NBN: variants seen among roughly 807,000 people sequenced by gnomAD.
NBN encodes Nijmegen breakage syndrome 1 (nibrin).
In NBN, 88 loss-of-function variants were observed where a neutral mutation model predicts 90.8. That is an observed-to-expected ratio of 0.97 (90% CI 0.82 to 1.16). The LOEUF (loss-of-function observed/expected upper bound fraction) is 1.16. Ranked by LOEUF, NBN falls within the 50% of genes most tolerant of loss-of-function variation. The pLI, the probability that NBN is intolerant of heterozygous loss-of-function variation, is 0.00. For synonymous variants in NBN, 328 were observed against 295.1 expected (o/e 1.11, Z -1.14); for missense variants, 894 against 869.6 (o/e 1.03, Z -0.35).
chr8:89,962,284 C>G (rs1470364334), intron 8 of NBN, among the ~76,000 whole-genome samples: 2 of 152,110 alleles, frequency 1.3e-5, no homozygotes, highest in East Asian at 1.9e-4. Context: ...ATTTTCTAAA[C>G]AGAGAAACAC....
At position 89,953,509 on chromosome 8, in the gene NBN, T is replaced by A. The variant is rs1554558407; in HGVS notation, c.1580A>T (p.Asp527Val). ...AGAATTTTTCACAATAGATTTTAAA[T>A]CTGTATCTGTAAATAAGTTATTGTC... Reference protein sequence around the residue: ...NSDNNLFTDTDLKSIVKNSAS... With the variant: ...NSDNNLFTDTVLKSIVKNSAS... Residue 527 changes from aspartate to valine, a missense_variant, in exon 11 of 16, where the codon GAT becomes GTT. By Grantham distance (152) the Asp-to-Val change is radical. Transcript: ENST00000265433. The A allele has an allele frequency of 1.2e-6, 2 of 1,613,630 alleles. No individual in the cohort carries two copies. The highest frequency in any genetic ancestry group is 1.7e-5 in the Admixed American group (1 of 59,990).
intron 5 of NBN, among the ~76,000 whole-genome samples, chr8:89,973,785 T>A (rs1251573707): frequency 1.3e-5 from 2 of 152,172 alleles, no homozygotes; most frequent in African/African-American, 4.8e-5. Context: ...AAGTAACCTG[T>A]CAGAGACCTA....
At chr8:89,950,903 T>C (rs1810415531) in intron 11 of NBN, among the ~76,000 whole-genome samples, 1 of 151,940 alleles carries the variant, frequency 6.6e-6, no homozygotes, top group Non-Finnish European at 1.5e-5. Context: ...TTCAGGAAGA[T>C]TAATTAGCAG....
At chr8:89,977,169 G>A (rs778471238) in intron 5 of NBN, among the ~76,000 whole-genome samples, 1 of 152,024 alleles carries the variant, frequency 6.6e-6, no homozygotes. Flanking sequence ...TGTCATCCAG[G>A]TTTTAAGACC....
intron 14 of NBN, among the ~76,000 whole-genome samples, chr8:89,941,462 C>T (rs1240888877): frequency 6.6e-6 from 1 of 152,172 alleles, no homozygotes. Context: ...TTTAAAACTA[C>T]CCATTCCGAC....
At chr8:89,966,941 CA>C (rs1299785371) in intron 7 of NBN, among the ~76,000 whole-genome samples, 2 of 152,140 alleles carry the variant, frequency 1.3e-5, no homozygotes, top group Non-Finnish European at 2.9e-5. Flanking sequence ...AAGATGGTAT[CA>C]AAATACTAGT....
intron 9 of NBN, among the ~76,000 whole-genome samples, chr8:89,955,881 T>A (rs1229979697): frequency 6.6e-6 from 1 of 152,032 alleles, no homozygotes; most frequent in Admixed American, 6.6e-5. Flanking sequence ...CAATTTCTGT[T>A]TTGTTTAAAA....
At position 89,970,387 on chromosome 8, in the gene NBN, C is replaced by T. The variant is rs786202939; in HGVS notation, c.873G>A (p.Gln291=). ...LIPDCQKKWI[Q]SIMDMLQRQG... ...ACCTTTGGAGCATATCCATTATTGA[C>T]TGAATCCATTTCTTCTGACAGTCAG... is the stretch of plus-strand genomic sequence containing the variant. Residue 291 remains glutamine (Q), a synonymous_variant, in exon 7 of 16, where the codon CAG becomes CAA. Coordinates refer to ENST00000265433, the MANE Select transcript of NBN (RefSeq NM_002485.5). 2.5e-6 allele frequency: 4 copies of T among 1,612,770 alleles called. No individual in the cohort carries two copies. The highest frequency in any genetic ancestry group is 3.4e-6 in the Non-Finnish European group (4 of 1,178,906).
At chr8:89,972,906 T>C (rs1811581425) in intron 5 of NBN, among the ~76,000 whole-genome samples, 1 of 152,232 alleles carries the variant, frequency 6.6e-6, no homozygotes, top group Admixed American at 6.5e-5. Context: ...TAAAGTTGAA[T>C]GATTTTTAAA....
intron 5 of NBN, among the ~76,000 whole-genome samples, chr8:89,976,434 G>A (rs781143377): frequency 2.0e-5 from 3 of 152,170 alleles, no homozygotes; most frequent in South Asian, 2.1e-4. Flanking sequence ...GTTAGATAAC[G>A]GGATGTTAAG....
chr8:89,940,217 C>A lies in NBN; in HGVS notation c.2184+3036G>T, dbSNP rs140887564. Reference sequence around the variant, plus strand: ...CTTCCCACCTCAGCCTCCTGAGTAGCTGGGACTATGGGCACATGCACTACC... The same window carrying A: ...CTTCCCACCTCAGCCTCCTGAGTAGATGGGACTATGGGCACATGCACTACC... On this transcript the variant is annotated intron_variant, in intron 14 of 15. Coordinates refer to ENST00000265433, the MANE Select transcript of NBN (RefSeq NM_002485.5). 2.2e-3 allele frequency among the ~76,000 whole-genome samples: 340 copies of A among 152,262 alleles called. 9 individuals carry two copies. The highest frequency in any genetic ancestry group is 4.1e-4 in the Non-Finnish European group (28 of 68,012).
chr8:89,943,608 A>G (rs892163210), intron 13 of NBN, among the ~76,000 whole-genome samples: 4 of 152,120 alleles, frequency 2.6e-5, no homozygotes, highest in African/African-American at 9.7e-5. Flanking sequence ...AAATAATTTA[A>G]CACTTTTCAT....
At chr8:89,940,075 T>A (rs1809869057) in intron 14 of NBN, among the ~76,000 whole-genome samples, 1 of 152,034 alleles carries the variant, frequency 6.6e-6, no homozygotes, top group Admixed American at 6.6e-5. Flanking sequence ...TGTTCTTTAA[T>A]TTTTATTTTA....
At chr8:89,946,012 T>C (rs1452705402) in intron 13 of NBN, 128 bp downstream of exon 13, 1 of 698,726 alleles carries the variant, frequency 1.4e-6, no homozygotes, top group African/African-American at 1.8e-5. Flanking sequence ...AGAGGAATTT[T>C]TTAAAGCATT....
At chr8:89,964,606 A>T in intron 7 of NBN, 99 bp from the exon 8 acceptor site, 1 of 1,217,456 alleles carries the variant, frequency 8.2e-7, no homozygotes, top group Non-Finnish European at 1.2e-6. Context: ...TTTCCTCCCA[A>T]ATAATTTTAT....
intron 14 of NBN, among the ~76,000 whole-genome samples, chr8:89,940,911 TAAAGG>T (rs1472810114): frequency 6.6e-6 from 1 of 152,150 alleles, no homozygotes; most frequent in African/African-American, 2.4e-5. Context: ...GTCTGTGAAA[TAAAGG>T]TACTATTATT....
At chr8:89,980,310 G>C (rs1811995586) in intron 4 of NBN, among the ~76,000 whole-genome samples, 1 of 152,086 alleles carries the variant, frequency 6.6e-6, no homozygotes, top group Non-Finnish European at 1.5e-5. Context: ...AAATCTATAG[G>C]TCAACCTGTT....
chr8:89,965,392 T>C (rs1811206570), intron 7 of NBN, among the ~76,000 whole-genome samples: 1 of 152,198 alleles, frequency 6.6e-6, no homozygotes, highest in South Asian at 2.1e-4. Flanking sequence ...AATGACTGAT[T>C]TTATAAAAAC....
intron 15 of NBN, 84 bp downstream of exon 15, chr8:89,936,941 GA>G: frequency 2.7e-6 from 3 of 1,109,176 alleles, no homozygotes; most frequent in Non-Finnish European, 4.1e-6. Flanking sequence ...GAGGACAGAA[GA>G]AACAAATTCT....
Sources: gnomAD v4.1 joint callset for allele counts (sites outside exome capture counted in the v4.1 genomes callset) on GRCh38, gnomAD v4.1.1 for gene constraint, MANE v1.5 for transcripts, NCBI Gene and HGNC (gene_info 2026-07-23, HGNC 2026-07-21) for gene names.